The following ECT2 variants were observed in gnomAD, a reference collection of about 807,000 sequenced individuals.
ECT2 encodes the protein epithelial cell transforming 2.
A neutral mutation model predicts 116.9 loss-of-function variants in ECT2; 61 were observed. That is an observed-to-expected ratio of 0.52 (90% CI 0.42 to 0.65). The LOEUF is 0.65. ECT2 is among the 30% of genes least tolerant of loss of function. ECT2 has a pLI of 0.00. For missense variants in ECT2, 937 were observed against 1,078.7 expected (o/e 0.87, Z 1.84); for synonymous variants, 358 against 346.4 (o/e 1.03, Z -0.37).
intron 10 of ECT2, 21 bp downstream of exon 10, chr3:172,762,827 G>A (rs770797910): frequency 2.5e-6 from 4 of 1,609,560 alleles, no homozygotes; most frequent in Non-Finnish European, 3.4e-6. Flanking sequence ...CTAGAATGAG[G>A]TTGGTTTTTA....
rs1314050964 is a variant in ECT2 at position 172,755,333 on chromosome 3, C to G, written c.169C>G (p.Gln57Glu). 28 of 1,605,156 alleles carry G rather than the reference C, an allele frequency of 1.7e-5. No individual in the cohort carries two copies. The highest frequency in any genetic ancestry group is 2.4e-5 in the Non-Finnish European group (28 of 1,177,958). The part of the protein sequence containing the change: ...PQIETRVILV[Q>E]EAGKQEELIK... ...GATTGAAACAAGAGTGATATTGGTT[C>G]AAGAAGCTGGAAAACAAGAAGAACT... The change falls in exon 3 of 25, where the codon CAA becomes GAA. Residue 57 changes from glutamine (Q) to glutamate (E), a missense_variant. Physicochemically the swap from Gln to Glu is conservative, Grantham distance 29. Coordinates refer to ENST00000392692, the MANE Select transcript of ECT2 (RefSeq NM_001258315.2).
At chr3:172,826,096 T>C (rs1730835317), downstream of ECT2, among the ~76,000 whole-genome samples, 1 of 152,168 alleles carries the variant, frequency 6.6e-6, no homozygotes, top group South Asian at 2.1e-4. Flanking sequence ...GGTTTCACCA[T>C]GTTAGCCAGG....
chr3:172,767,171 G>A (rs1429992724), intron 12 of ECT2, among the ~76,000 whole-genome samples: 3 of 152,140 alleles, frequency 2.0e-5, no homozygotes, highest in Admixed American at 6.5e-5. Context: ...GGCTGGGCGC[G>A]GTGGCCCACG....
chr3:172,776,379 A>G (rs1302789948), intron 14 of ECT2, among the ~76,000 whole-genome samples: 1 of 150,794 alleles, frequency 6.6e-6, no homozygotes, highest in Non-Finnish European at 1.5e-5. Context: ...GTAAAACTCA[A>G]GAGAAAAGGA....
intron 13 of ECT2, 51 bp from the exon 14 acceptor site, chr3:172,773,852 C>T: frequency 3.9e-6 from 6 of 1,554,172 alleles, no homozygotes; most frequent in African/African-American, 1.4e-5. Flanking sequence ...TATCTTTTAG[C>T]TCTTTTCTTT....
chr3:172,802,981 G>A lies in ECT2; in HGVS notation c.2106+1G>A. The A allele has an allele frequency of 6.2e-7, 1 of 1,608,898 alleles. No individual in the cohort carries two copies. Among genetic ancestry groups the A allele is most frequent in the African/African-American group, 1.3e-5 (1 of 74,768 alleles). On this transcript the variant is annotated splice_donor_variant, in intron 20 of 24. Transcript: ENST00000392692. LOFTEE classifies it high-confidence loss of function. ...CTTCCTCTTCAATGATTGCCTAGAG[G>A]TAAAGATGTACTTCACATAGTATAA...
intron 11 of ECT2, among the ~76,000 whole-genome samples, chr3:172,763,735 T>C (rs1718785400): frequency 6.6e-6 from 1 of 152,230 alleles, no homozygotes; most frequent in Admixed American, 6.5e-5. Flanking sequence ...TAAGGGAAGA[T>C]TTACTTCAGT....
intron 24 of ECT2, among the ~76,000 whole-genome samples, chr3:172,817,497 A>G (rs1306445952): frequency 6.6e-6 from 1 of 152,106 alleles, no homozygotes; most frequent in East Asian, 1.9e-4. Context: ...TTCCAATGAC[A>G]TAGCAGAGAC....
chr3:172,784,981 G>T (rs1723357363), intron 17 of ECT2, among the ~76,000 whole-genome samples, 178 bp downstream of exon 17: 1 of 152,010 alleles, frequency 6.6e-6, no homozygotes, highest in Non-Finnish European at 1.5e-5. Flanking sequence ...AATTCAGCCT[G>T]GCCTGAAATA....
At chr3:172,778,350 G>A (rs984466738) in intron 14 of ECT2, among the ~76,000 whole-genome samples, 3 of 152,000 alleles carry the variant, frequency 2.0e-5, no homozygotes, top group East Asian at 1.9e-4. Flanking sequence ...AAATTGTATC[G>A]GGCATTTTCC....
chr3:172,773,892 T>C lies in ECT2; in HGVS notation c.1429-11T>C. ...CACAATCTACTTAAACTAGTCTTTT[T>C]TCTCATTTAGTTATTTCAAGTACCA... On this transcript the variant is annotated splice_polypyrimidine_tract_variant and intron_variant, in intron 13 of 24. Coordinates refer to ENST00000392692, the MANE Select transcript of ECT2 (RefSeq NM_001258315.2). 2 of 1,611,842 alleles carry C rather than the reference T, an allele frequency of 1.2e-6. No homozygotes were observed. The highest frequency in any genetic ancestry group is 1.7e-6 in the Non-Finnish European group (2 of 1,178,528).
intron 15 of ECT2, among the ~76,000 whole-genome samples, chr3:172,782,874 AT>A (rs142529878): frequency 8.9e-5 from 11 of 123,964 alleles, no homozygotes; most frequent in African/African-American, 6.2e-5. Context: ...ATGATCTCGC[AT>A]TTTTTTTTTA....
At chr3:172,808,375 CAAAAA>C (rs201401594) in intron 22 of ECT2, among the ~76,000 whole-genome samples, 2 of 89,006 alleles carry the variant, frequency 2.2e-5, no homozygotes, top group Non-Finnish European at 4.5e-5. Flanking sequence ...CGTGCCTGGC[CAAAAA>C]AAAAAAAAAA....
chr3:172,790,198 C>T (rs1340187616), intron 18 of ECT2, among the ~76,000 whole-genome samples: 1 of 152,168 alleles, frequency 6.6e-6, no homozygotes, highest in Non-Finnish European at 1.5e-5. Flanking sequence ...AAATGGCAAC[C>T]CAGATGGTGA....
intron 12 of ECT2, among the ~76,000 whole-genome samples, chr3:172,765,604 G>A (rs1469838844): frequency 6.6e-6 from 1 of 152,026 alleles, no homozygotes; most frequent in Non-Finnish European, 1.5e-5. Flanking sequence ...TTAGATGATT[G>A]CAGTAGTCTC....
chr3:172,802,924 C>G lies in ECT2; in HGVS notation c.2050C>G (p.His684Asp). 6.2e-7 allele frequency: 1 copy of G among 1,613,214 alleles called. No individual in the cohort carries two copies. The highest frequency in any genetic ancestry group is 8.5e-7 in the Non-Finnish European group (1 of 1,179,516). ...GGTTGAAACAATTTCTCTAGGTGAG[C>G]ACCCCTGTGACAGAGGAGAACAAGT... ...QRVETISLGE[H>D]PCDRGEQVTL... is the part of the protein sequence containing the mutation. Residue 684 changes from histidine to aspartate, a missense_variant, in exon 20 of 25, where the codon CAC (histidine) becomes GAC (aspartate). Physicochemically the swap from His to Asp is moderately conservative, Grantham distance 81. Transcript: ENST00000392692.
intron 23 of ECT2, 104 bp downstream of exon 23, chr3:172,815,815 CAA>C: frequency 1.3e-6 from 1 of 753,334 alleles, no homozygotes; most frequent in Non-Finnish European, 2.2e-6. Context: ...GTTTATAAAA[CAA>C]AGCTGTTCTT....
chr3:172,753,357 C>G (rs1399955058), intron 1 of ECT2, among the ~76,000 whole-genome samples: 2 of 152,176 alleles, frequency 1.3e-5, no homozygotes, highest in Non-Finnish European at 2.9e-5. Context: ...CTTGGCCTCC[C>G]AAAGTGCTGG....
intron 12 of ECT2, among the ~76,000 whole-genome samples, chr3:172,765,559 C>T (rs1719207221): frequency 6.6e-6 from 1 of 152,116 alleles, no homozygotes; most frequent in Admixed American, 6.5e-5. Flanking sequence ...TCCTTTGCTC[C>T]TCTTCATCAG....
Sources: gnomAD v4.1 joint callset for allele counts (sites outside exome capture counted in the v4.1 genomes callset) on GRCh38, gnomAD v4.1.1 for gene constraint, MANE v1.5 for transcripts, NCBI Gene and HGNC (gene_info 2026-07-23, HGNC 2026-07-21) for gene names.